PTPRS: variants seen among roughly 807,000 people sequenced by gnomAD.
PTPRS encodes the protein protein tyrosine phosphatase receptor type S, also known as receptor-type tyrosine-protein phosphatase S.
In PTPRS, 63 loss-of-function variants were observed where a neutral mutation model predicts 215.3. That is an observed-to-expected ratio of 0.29 (90% confidence interval 0.24 to 0.36). The LOEUF (loss-of-function observed/expected upper bound fraction) is 0.36. PTPRS is among the 10% of genes least tolerant of loss of function. PTPRS has a pLI of 1.00. For missense variants in PTPRS, 2,258 were observed against 2,825.8 expected (o/e 0.80, Z 4.56); for synonymous variants, 1,404 against 1,191.4 (o/e 1.18, Z -3.68).
chr19:5,225,891 G>A lies in PTPRS; in HGVS notation c.2377-47C>T, dbSNP rs1258686747. On this transcript the variant is annotated intron_variant, in intron 16 of 37. Coordinates refer to ENST00000262963, the MANE Select transcript of PTPRS (RefSeq NM_002850.4). ...AGCACGACGGCTGGGGCTGGGAGCA[G>A]CCCCACCCACCCCCACTCCCCGTGC... 5 of 1,503,918 alleles carry A rather than the reference G, an allele frequency of 3.3e-6. No individual in the cohort carries two copies. The African/African-American group carries it at 5.5e-5, about 17-fold the overall frequency. 93.2% of individuals were successfully genotyped at this position (1,503,918 alleles called of 1,614,324 possible). A position where few individuals can be genotyped will look rare whatever the true frequency, so the allele number is the denominator to read the frequency against.
At chr19:5,214,267 C>A in intron 30 of PTPRS, 94 bp downstream of exon 30, 1 of 1,548,544 alleles carries the variant, frequency 6.5e-7, no homozygotes, top group African/African-American at 1.4e-5. Flanking sequence ...TCTCTCTGTC[C>A]CATGGGGAGC....
intron 1 of PTPRS, among the ~76,000 whole-genome samples, chr19:5,309,694 G>A (rs1023261134): frequency 2.0e-5 from 3 of 152,102 alleles, no homozygotes; most frequent in South Asian, 2.1e-4. Context: ...CCTGGGAGTC[G>A]TTCTTGACTC....
chr19:5,245,149 T>TA (rs1182303379), intron 10 of PTPRS, among the ~76,000 whole-genome samples: 2 of 148,624 alleles, frequency 1.3e-5, no homozygotes, highest in Non-Finnish European at 3.0e-5. Context: ...CCAGCTAATT[T>TA]TTTTTTTTTT....
At chr19:5,333,849 T>G (rs995635435) in intron 1 of PTPRS, among the ~76,000 whole-genome samples, 13 of 152,184 alleles carry the variant, frequency 8.5e-5, no homozygotes, top group African/African-American at 2.7e-4. Context: ...ATGAATGAAT[T>G]AATGAACTGG....
At chr19:5,327,610 TTTTTG>T (rs1167841147) in intron 1 of PTPRS, among the ~76,000 whole-genome samples, 1 of 152,100 alleles carries the variant, frequency 6.6e-6, no homozygotes, top group African/African-American at 2.4e-5. Flanking sequence ...GGCTCAGTTC[TTTTTG>T]TTTTTAGAGA....
intron 1 of PTPRS, among the ~76,000 whole-genome samples, chr19:5,305,378 T>C (rs2049447738): frequency 6.6e-6 from 1 of 151,818 alleles, no homozygotes; most frequent in Non-Finnish European, 1.5e-5. Flanking sequence ...AGACCCTGTC[T>C]CTACAAAAAA....
At chr19:5,264,903 T>C in intron 5 of PTPRS, 105 bp downstream of exon 5, 1 of 1,328,062 alleles carries the variant, frequency 7.5e-7, no homozygotes, top group Non-Finnish European at 1.0e-6. Flanking sequence ...CCACACACTG[T>C]CTCTGTCTGT....
intron 4 of PTPRS, among the ~76,000 whole-genome samples, chr19:5,272,903 G>T (rs1251007551): frequency 6.6e-6 from 1 of 152,138 alleles, no homozygotes; most frequent in Non-Finnish European, 1.5e-5. Context: ...CTTGGCTCCA[G>T]GTAGGAGTCT....
intron 1 of PTPRS, among the ~76,000 whole-genome samples, chr19:5,334,388 T>A (rs1242587799): frequency 4.6e-5 from 7 of 152,236 alleles, no homozygotes; most frequent in Admixed American, 2.0e-4. Context: ...CCGTTCTGAA[T>A]CTGTGCTTAC....
At chr19:5,234,712 G>A (rs1333995157) in intron 13 of PTPRS, among the ~76,000 whole-genome samples, 2 of 151,728 alleles carry the variant, frequency 1.3e-5, no homozygotes, top group South Asian at 2.1e-4. Flanking sequence ...GGCTGTATCA[G>A]AAAAGTTAAT....
At position 5,229,442 on chromosome 19, in the gene PTPRS, C is replaced by T. The variant is rs2042822255; in HGVS notation, c.2349+49G>A. ...CAGAGGTGGGGGGAGCGCAAGGGCC[C>T]GTCCCCGCCCGGAGCCCGTCCCCGG... is the stretch of plus-strand genomic sequence containing the variant. On this transcript the variant is annotated intron_variant, in intron 15 of 37. Coordinates refer to ENST00000262963, the MANE Select transcript of PTPRS (RefSeq NM_002850.4). The T allele has an allele frequency of 5.8e-6, 8 of 1,371,070 alleles. No individual in the cohort carries two copies. In the South Asian group the frequency reaches 8.9e-5, roughly 15 times the overall value. The allele number at this position is 1,371,070 out of a possible 1,614,324, so 84.9% of individuals were successfully genotyped here.
Position 5,210,466 on chromosome 19 carries a change from C to T in PTPRS, c.5487+3G>A. 3 of 1,614,160 alleles carry T rather than the reference C, an allele frequency of 1.9e-6. No individual in the cohort carries two copies. The highest frequency in any genetic ancestry group is 2.5e-6 in the Non-Finnish European group (3 of 1,179,996). On this transcript the variant is annotated splice_donor_region_variant and intron_variant, in intron 35 of 37. Coordinates refer to ENST00000262963, the MANE Select transcript of PTPRS (RefSeq NM_002850.4). This position sits in a 1 kb window ranked among gnomAD's most constrained non-coding sequence, Gnocchi z 4.5. ...CCTCCCGCCAGTCTGTCTCTTCACT[C>T]ACCCGGGCATCTGTGACCTTGAACT... is the stretch of plus-strand genomic sequence containing the variant.
At position 5,216,641 on chromosome 19, in the gene PTPRS, G is replaced by A. The variant is rs554228642; in HGVS notation, c.4096+79C>T. The A allele has an allele frequency of 1.5e-4, 184 of 1,201,752 alleles. 2 individuals are homozygous for A. The South Asian group carries it at 2.4e-3, about 15-fold the overall frequency. The allele number at this position is 1,201,752 out of a possible 1,614,324, so 74.4% of individuals were successfully genotyped here. On this transcript the variant is annotated intron_variant, in intron 26 of 37. Coordinates refer to ENST00000262963, the MANE Select transcript of PTPRS (RefSeq NM_002850.4). ...TGGGTGGGCGTGTGGACAGAGACAG[G>A]AGACACGATGGAGAAACCAAAGAGG...
intron 4 of PTPRS, 148 bp from the exon 5 acceptor site, chr19:5,265,344 TTCTC>T (rs1008915854): frequency 1.4e-4 from 95 of 688,746 alleles, no homozygotes; most frequent in Middle Eastern, 4.1e-4. Context: ...TTACAGCCAG[TTCTC>T]TCTCTTTTTT....
intron 13 of PTPRS, among the ~76,000 whole-genome samples, chr19:5,232,966 G>A (rs572409316): frequency 6.7e-6 from 1 of 148,596 alleles, no homozygotes; most frequent in African/African-American, 2.5e-5. Flanking sequence ...CTGGCGCCAT[G>A]CCAAGGGGAG....
chr19:5,228,918 A>G (rs2042756110), intron 16 of PTPRS, among the ~76,000 whole-genome samples: 1 of 152,180 alleles, frequency 6.6e-6, no homozygotes, highest in Non-Finnish European at 1.5e-5. Flanking sequence ...ACAGGGCTGA[A>G]TTGAGTGACA....
chr19:5,265,003 C>T lies in PTPRS; in HGVS notation c.568+5G>A, dbSNP rs768752463. On this transcript the variant is annotated splice_donor_5th_base_variant and intron_variant, in intron 5 of 37. Coordinates refer to ENST00000262963, the MANE Select transcript of PTPRS (RefSeq NM_002850.4). Reference sequence around the variant, plus strand: ...TCCCACGTCCTGTCAGCCACCCTCACTCACCTGATCGCAGCTGTTTGATGC... The same window carrying T: ...TCCCACGTCCTGTCAGCCACCCTCATTCACCTGATCGCAGCTGTTTGATGC... The T allele has an allele frequency of 8.1e-6, 13 of 1,613,874 alleles. No homozygotes were observed. The highest frequency in any genetic ancestry group is 4.4e-5 in the South Asian group (4 of 91,012).
intron 1 of PTPRS, among the ~76,000 whole-genome samples, chr19:5,309,230 G>T (rs367735298): frequency 1.3e-5 from 2 of 152,194 alleles, no homozygotes; most frequent in Non-Finnish European, 2.9e-5. Context: ...GCCACGTGCT[G>T]TGTGGCCTTG....
chr19:5,257,898 A>G lies in PTPRS; in HGVS notation c.706+119T>C. 1 of 791,322 alleles carries G rather than the reference A, an allele frequency of 1.3e-6. No individual in the cohort carries two copies. Among genetic ancestry groups the G allele is most frequent in the Non-Finnish European group, 2.0e-6 (1 of 496,616 alleles). 49.0% of individuals were successfully genotyped at this position (791,322 alleles called of 1,614,324 possible). A position where few individuals can be genotyped will look rare whatever the true frequency, so the allele number is the denominator to read the frequency against. ...GGCCAAGGTCCCACCGCGACCGGGG[A>G]GGGGCCTTCCTGCTTGGGTGTGCAG... On this transcript the variant is annotated intron_variant, in intron 8 of 37. Coordinates refer to ENST00000262963, the MANE Select transcript of PTPRS (RefSeq NM_002850.4). The surrounding 1 kb of genome is among the most constrained non-coding windows in gnomAD (Gnocchi z 4.4).
Sources: gnomAD v4.1 joint callset for allele counts (sites outside exome capture counted in the v4.1 genomes callset) on GRCh38, gnomAD v4.1.1 for gene constraint, Gnocchi (gnomAD v3.1) non-coding constraint, MANE v1.5 for transcripts, NCBI Gene and HGNC (gene_info 2026-07-23, HGNC 2026-07-21) for gene names.